PPP1R12B: variants seen among roughly 807,000 people sequenced by gnomAD.
The protein encoded by PPP1R12B is protein phosphatase 1 regulatory subunit 12B, also known as myosin phosphatase target subunit 2.
PPP1R12B carries 76 observed loss-of-function variants against 126.1 expected under a neutral mutation model. The observed-to-expected ratio is 0.60, with a 90% CI of 0.50 to 0.73. PPP1R12B has a LOEUF of 0.73. Among genes scored for constraint, PPP1R12B ranks in the 30% least tolerant of loss-of-function variants. The probability of loss-of-function intolerance (pLI) is 0.00; values close to 1 mark genes in which losing one functional copy is unlikely to be tolerated. For missense variants in PPP1R12B, 1,052 were observed against 1,205.1 expected (o/e 0.87, Z 1.88); for synonymous variants, 356 against 434.7 (o/e 0.82, Z 2.25).
rs575501132 is a variant in PPP1R12B at position 202,438,894 on chromosome 1, A to G, written c.1458+870A>G. On this transcript the variant is annotated intron_variant, in intron 10 of 23. Coordinates refer to ENST00000608999, the MANE Select transcript of PPP1R12B (RefSeq NM_002481.4). The stretch of plus-strand genomic sequence containing the variant: ...TAGCCCCCAGGGCAGGAGCCCATAC[A>G]TCCACCGCACGCGGCCCTGTGCCTG... 2.4e-3 allele frequency: 3,594 copies of G among 1,468,578 alleles called. 4 individuals carry two copies. Among genetic ancestry groups the G allele is most frequent in the Middle Eastern group, 3.1e-3 (16 of 5,144 alleles). The allele number at this position is 1,468,578 out of a possible 1,614,324, so 91.0% of individuals were successfully genotyped here.
At chr1:202,452,537 G>A (rs1439741592) in intron 13 of PPP1R12B, among the ~76,000 whole-genome samples, 4 of 151,826 alleles carry the variant, frequency 2.6e-5, no homozygotes, top group African/African-American at 7.3e-5. Context: ...GAGGGAGACC[G>A]TTTAAAGAGG....
intron 14 of PPP1R12B, 143 bp from the exon 15 acceptor site, chr1:202,492,971 C>T: frequency 1.3e-6 from 1 of 774,176 alleles, no homozygotes; most frequent in Non-Finnish European, 2.2e-6. Flanking sequence ...GCATATATTG[C>T]TTGAAGTGGC....
chr1:202,368,162 G>A (rs1659606033), intron 1 of PPP1R12B, among the ~76,000 whole-genome samples: 1 of 151,964 alleles, frequency 6.6e-6, no homozygotes, highest in Admixed American at 6.6e-5. Context: ...GTAGAAACAG[G>A]GTTTCACCAT....
chr1:202,526,959 A>C (rs940856221), intron 18 of PPP1R12B, among the ~76,000 whole-genome samples: 2 of 152,142 alleles, frequency 1.3e-5, no homozygotes, highest in African/African-American at 4.8e-5. Context: ...TGTAACCTTA[A>C]ATACATGTTT....
chr1:202,464,115 A>G (rs1242899299), intron 13 of PPP1R12B, among the ~76,000 whole-genome samples: 1 of 152,172 alleles, frequency 6.6e-6, no homozygotes, highest in African/African-American at 2.4e-5. Context: ...GCTACACCTG[A>G]GCCCCAGGCT....
At chr1:202,531,089 T>C (rs888479916) in intron 18 of PPP1R12B, among the ~76,000 whole-genome samples, 1 of 152,220 alleles carries the variant, frequency 6.6e-6, no homozygotes, top group African/African-American at 2.4e-5. Context: ...TCACATCGCA[T>C]AAATTAAACA....
chr1:202,451,585 C>T (rs866374286), intron 13 of PPP1R12B, among the ~76,000 whole-genome samples: 11 of 152,076 alleles, frequency 7.2e-5, no homozygotes, highest in South Asian at 4.2e-4. Context: ...TACACAGACA[C>T]GGCAACCATC....
At chr1:202,374,027 G>A (rs554070849) in intron 1 of PPP1R12B, among the ~76,000 whole-genome samples, 2 of 152,280 alleles carry the variant, frequency 1.3e-5, no homozygotes, top group South Asian at 4.1e-4. Flanking sequence ...GGATTATTGG[G>A]ATGATGTCTC....
At chr1:202,392,718 G>A (rs1342318799) in intron 1 of PPP1R12B, among the ~76,000 whole-genome samples, 5 of 151,538 alleles carry the variant, frequency 3.3e-5, no homozygotes, top group African/African-American at 1.2e-4. Context: ...CTAGAGACAG[G>A]GTTTCACCAT....
chr1:202,449,057 C>T lies in PPP1R12B; in HGVS notation c.1736C>T (p.Pro579Leu), dbSNP rs758115673. ...KTADNVSSST[P>L]LCVITNRPLP... ...GCAGACAATGTCTCTTCTAGCACCC[C>T]GCTCTGTGTGATCACCAATCGCCCT... The change falls in exon 13 of 24, where the codon CCG becomes CTG. Residue 579 changes from proline to leucine, a missense_variant. Physicochemically the swap from Pro to Leu is moderately conservative, Grantham distance 98. Coordinates refer to ENST00000608999, the MANE Select transcript of PPP1R12B (RefSeq NM_002481.4). The T allele has an allele frequency of 4.8e-5, 78 of 1,613,770 alleles. No homozygotes were observed. Among genetic ancestry groups the T allele is most frequent in the African/African-American group, 1.6e-4 (12 of 74,864 alleles).
At chr1:202,507,521 A>C (rs1680952133) in intron 18 of PPP1R12B, among the ~76,000 whole-genome samples, 2 of 152,202 alleles carry the variant, frequency 1.3e-5, no homozygotes, top group African/African-American at 4.8e-5. Context: ...ATCCATAACT[A>C]TACTTTTCAG....
At chr1:202,467,117 C>A (rs923243063) in intron 13 of PPP1R12B, among the ~76,000 whole-genome samples, 17 of 152,080 alleles carry the variant, frequency 1.1e-4, no homozygotes, top group African/African-American at 4.1e-4. Context: ...CATTAGTGAT[C>A]TTTCTTATAT....
At chr1:202,535,939 T>C (rs1290564653) in intron 18 of PPP1R12B, among the ~76,000 whole-genome samples, 1 of 152,244 alleles carries the variant, frequency 6.6e-6, no homozygotes, top group Admixed American at 6.5e-5. Context: ...TTTCTCTGTA[T>C]ATCTGATGTG....
intron 18 of PPP1R12B, among the ~76,000 whole-genome samples, chr1:202,538,406 C>G (rs1366287192): frequency 6.6e-6 from 1 of 152,204 alleles, no homozygotes; most frequent in African/African-American, 2.4e-5. Flanking sequence ...CTGATTCATT[C>G]TCAATCTAAA....
chr1:202,415,271 C>G (rs1249476416), intron 1 of PPP1R12B, among the ~76,000 whole-genome samples: 1 of 152,090 alleles, frequency 6.6e-6, no homozygotes, highest in Non-Finnish European at 1.5e-5. Context: ...ATAGTGCCTG[C>G]TGGTAGTTTT....
intron 6 of PPP1R12B, among the ~76,000 whole-genome samples, chr1:202,429,630 AC>A (rs1230815849): frequency 6.6e-6 from 1 of 152,162 alleles, no homozygotes; most frequent in East Asian, 1.9e-4. Flanking sequence ...CATATTTTTT[AC>A]TCATAAAGCA....
At chr1:202,356,158 G>A (rs1657054481) in intron 1 of PPP1R12B, among the ~76,000 whole-genome samples, 1 of 152,186 alleles carries the variant, frequency 6.6e-6, no homozygotes. Context: ...TCCAGCCTGG[G>A]TGACAGAGCA....
chr1:202,384,389 T>C (rs1360709549), intron 1 of PPP1R12B, among the ~76,000 whole-genome samples: 1 of 152,174 alleles, frequency 6.6e-6, no homozygotes, highest in Non-Finnish European at 1.5e-5. Flanking sequence ...ATTGAAGTAC[T>C]GATATATGCT....
At chr1:202,364,855 C>T (rs1359637081) in intron 1 of PPP1R12B, among the ~76,000 whole-genome samples, 9 of 152,066 alleles carry the variant, frequency 5.9e-5, no homozygotes, top group Non-Finnish European at 8.8e-5. Context: ...GGATTACAGG[C>T]GTGAGCCACG....
Sources: allele counts gnomAD v4.1 joint callset (sites outside exome capture counted in the v4.1 genomes callset), GRCh38; gene constraint gnomAD v4.1.1; transcripts MANE v1.5; gene names NCBI Gene and HGNC (gene_info 2026-07-23, HGNC 2026-07-21).